The following ACOX2 variants were observed in gnomAD, a reference collection of about 807,000 sequenced individuals.
The protein encoded by ACOX2 is acyl-CoA oxidase 2.
ACOX2 carries 59 observed loss-of-function variants against 77.5 expected under a neutral mutation model. The observed-to-expected ratio is 0.76, with a 90% confidence interval of 0.62 to 0.95. The LOEUF (loss-of-function observed/expected upper bound fraction) is 0.95. Ranked by LOEUF, ACOX2 falls within the 40% of genes least tolerant of loss-of-function variation. ACOX2 has a pLI of 0.00. For synonymous variants in ACOX2, 317 were observed against 340.1 expected (o/e 0.93, Z 0.75); for missense variants, 837 against 880.4 (o/e 0.95, Z 0.62).
intron 13 of ACOX2, among the ~76,000 whole-genome samples, chr3:58,516,193 T>A (rs1289803364): frequency 1.3e-5 from 2 of 152,118 alleles, no homozygotes; most frequent in African/African-American, 4.8e-5. Context: ...AATTACAGAG[T>A]TAAAAAAAAT....
intron 13 of ACOX2, chr3:58,510,877 G>A: frequency 2.3e-6 from 1 of 427,920 alleles, no homozygotes; most frequent in Non-Finnish European, 4.7e-6. Flanking sequence ...GGTGTAATAA[G>A]GGCTCAAGTG....
At chr3:58,510,632 CAAAAAAAAAAAAAAAA>C (rs869206771) in intron 13 of ACOX2, among the ~76,000 whole-genome samples, 6 of 6,840 alleles carry the variant, frequency 8.8e-4, no homozygotes, top group African/African-American at 2.7e-3. Flanking sequence ...GACTCCCGCT[CAAAAAAAAAAAAAAAA>C]AAAAAAAAAA....
Position 58,534,555 on chromosome 3 carries a change from C to T in ACOX2, c.161-33G>A. ...GGACAGAGAACAGAGGGCTTAGGGA[C>T]CTGGGTGAGGTTTCTGGCACCTTGA... On this transcript the variant is annotated intron_variant, in intron 2 of 14. Coordinates refer to ENST00000302819, the MANE Select transcript of ACOX2 (RefSeq NM_003500.4). This position sits in a 1 kb window ranked among gnomAD's most constrained non-coding sequence, Gnocchi z 4.8. The T allele has an allele frequency of 6.2e-7, 1 of 1,614,088 alleles. No individual in the cohort carries two copies. Among genetic ancestry groups the T allele is most frequent in the Non-Finnish European group, 8.5e-7 (1 of 1,180,020 alleles).
chr3:58,510,012 A>T (rs4681861), intron 13 of ACOX2, among the ~76,000 whole-genome samples: 47,134 of 151,932 alleles, frequency 0.31, 7,421 homozygotes, highest in South Asian at 0.34. Flanking sequence ...TATCTGTTGA[A>T]TCTTCATTCA....
At chr3:58,518,880 T>G (rs149630658) in intron 12 of ACOX2, among the ~76,000 whole-genome samples, 1 of 151,716 alleles carries the variant, frequency 6.6e-6, no homozygotes, top group African/African-American at 2.4e-5. Flanking sequence ...GCTCAAGTGA[T>G]CCTCCTTCCT....
At position 58,523,712 on chromosome 3, in the gene ACOX2, G is replaced by A. The variant is rs1156997325; in HGVS notation, c.1526+714C>T. Among the ~76,000 whole-genome samples, 38 of 152,022 alleles carry A rather than the reference G, an allele frequency of 2.5e-4. No individual in the cohort carries two copies. Among genetic ancestry groups the A allele is most frequent in the Admixed American group, 2.5e-3 (38 of 15,268 alleles). On this transcript the variant is annotated intron_variant, in intron 11 of 14. Transcript: ENST00000302819. The surrounding 1 kb of genome is among the most constrained non-coding windows in gnomAD (Gnocchi z 5.3). ...AATCCGCCCACCTCGACCTCCCAAA[G>A]TGCTGGAATTACTGGTGTCAGCCAC...
At position 58,523,111 on chromosome 3, in the gene ACOX2, C is replaced by T. The variant is rs1448944401; in HGVS notation, c.1527-510G>A. Reference sequence around the variant, plus strand: ...AAAGAGAAAACCAACCTTTGTCCTGCAAACCACTAAATTAGTCATTAAATA... The same window carrying T: ...AAAGAGAAAACCAACCTTTGTCCTGTAAACCACTAAATTAGTCATTAAATA... On this transcript the variant is annotated intron_variant, in intron 11 of 14. Coordinates refer to ENST00000302819, the MANE Select transcript of ACOX2 (RefSeq NM_003500.4). This position sits in a 1 kb window ranked among gnomAD's most constrained non-coding sequence, Gnocchi z 5.3. 6.5e-6 allele frequency: 1 copy of T among 155,016 alleles called. No homozygotes were observed. Among genetic ancestry groups the T allele is most frequent in the Non-Finnish European group, 1.4e-5 (1 of 69,658 alleles). 9.6% of individuals were successfully genotyped at this position (155,016 alleles called of 1,614,324 possible).
chr3:58,515,984 T>C lies in ACOX2; in HGVS notation c.1850+1222A>G, dbSNP rs557860227. Among the ~76,000 whole-genome samples the C allele has an allele frequency of 3.4e-5, 3 of 88,388 alleles. No homozygotes were observed. The highest frequency in any genetic ancestry group is 6.5e-5 in the Non-Finnish European group (3 of 46,166). 58.0% of individuals were successfully genotyped at this position (88,388 alleles called of 152,430 possible). Reference sequence around the variant, plus strand: ...GCCATGTTGCCCAGGCTTTTTTTTTTCTTTATTGTTTTTATTTCTATTTTT... The same window carrying C: ...GCCATGTTGCCCAGGCTTTTTTTTTCCTTTATTGTTTTTATTTCTATTTTT... On this transcript the variant is annotated intron_variant, in intron 13 of 14. Coordinates refer to ENST00000302819, the MANE Select transcript of ACOX2 (RefSeq NM_003500.4). This position sits in a 1 kb window ranked among gnomAD's most constrained non-coding sequence, Gnocchi z 4.0.
chr3:58,517,285 A>G lies in ACOX2; in HGVS notation c.1771T>C (p.Phe591Leu). Residue 591 changes from phenylalanine (F) to leucine (L), a missense_variant, in exon 13 of 15, where the codon TTT becomes CTT. Transcript: ENST00000302819. ...IHGILTNSGD[F>L]LHDAFLSGAQ... ...CCAGACAGGAAGGCGTCATGGAGAA[A>G]GTCACCCGAGTTAGTCAAGATTCCA... 1 of 1,614,184 alleles carries G rather than the reference A, an allele frequency of 6.2e-7. No homozygotes were observed. Among genetic ancestry groups the G allele is most frequent in the Non-Finnish European group, 8.5e-7 (1 of 1,180,038 alleles).
At chr3:58,508,437 G>A (rs895995764) in intron 14 of ACOX2, among the ~76,000 whole-genome samples, 4 of 152,092 alleles carry the variant, frequency 2.6e-5, no homozygotes, top group Admixed American at 2.0e-4. Flanking sequence ...CAGGCAATCA[G>A]GTCTAAGAGA....
chr3:58,505,271 C>T lies in ACOX2; in HGVS notation c.1999G>A (p.Glu667Lys), dbSNP rs1225640784. Residue 667 changes from glutamate to lysine, a missense_variant, in exon 15 of 15, where the codon GAG (glutamate) becomes AAG (lysine). Glu to Lys is a moderately conservative substitution (Grantham distance 56, BLOSUM62 1). Coordinates refer to ENST00000302819, the MANE Select transcript of ACOX2 (RefSeq NM_003500.4). This position sits in a 1 kb window ranked among gnomAD's most constrained non-coding sequence, Gnocchi z 4.4. The part of the protein sequence containing the change: ...PTNTQENPAY[E>K]EYIRPLLQSW... ...TGTAAAAGTGGTCTTATATATTCCT[C>T]ATAGGCAGGGTTCTCCTGTTTGTAG... The T allele has an allele frequency of 2.5e-6, 4 of 1,612,610 alleles. No individual in the cohort carries two copies. Among genetic ancestry groups the T allele is most frequent in the African/African-American group, 2.7e-5 (2 of 74,892 alleles).
rs1449601928 is a variant in ACOX2, at chr3:58,525,847, A to G, written c.1346+619T>C. On this transcript the variant is annotated intron_variant, in intron 10 of 14. Transcript: ENST00000302819. This position sits in a 1 kb window ranked among gnomAD's most constrained non-coding sequence, Gnocchi z 5.0. ...AGAGCAGCCTGGCCAACATGGTGAA[A>G]CCCCATCTCTACTAAAAATACAAAA... 6.6e-6 allele frequency among the ~76,000 whole-genome samples: 1 copy of G among 151,906 alleles called. No individual in the cohort carries two copies. The highest frequency in any genetic ancestry group is 6.6e-5 in the Admixed American group (1 of 15,236).
chr3:58,522,541 G>T lies in ACOX2; in HGVS notation c.1587C>A (p.His529Gln). The T allele has an allele frequency of 6.2e-7, 1 of 1,614,158 alleles. No individual in the cohort carries two copies. The highest frequency in any genetic ancestry group is 8.5e-7 in the Non-Finnish European group (1 of 1,180,014). The change falls in exon 12 of 15, where the codon CAC becomes CAA. Residue 529 changes from histidine to glutamine, a missense_variant. Physicochemically the swap from His to Gln is conservative, Grantham distance 24. Coordinates refer to ENST00000302819, the MANE Select transcript of ACOX2 (RefSeq NM_003500.4). This position sits in a 1 kb window ranked among gnomAD's most constrained non-coding sequence, Gnocchi z 4.3. ...TGACAGTGGTCTGGTTCCAAGCCTCGTGCTGGTCAGCTCCGGATTGCGTCA... is the reference window on the plus strand; with the variant it reads ...TGACAGTGGTCTGGTTCCAAGCCTCTTGCTGGTCAGCTCCGGATTGCGTCA... ...QTLTQSGADQ[H>Q]EAWNQTTVIH...
chr3:58,506,227 C>T (rs73087775), intron 14 of ACOX2, among the ~76,000 whole-genome samples: 33,365 of 152,160 alleles, frequency 0.22, 4,017 homozygotes, highest in Middle Eastern at 0.32. Flanking sequence ...CTAACTCCTA[C>T]TTGGACACAT....
rs1400567293 is a variant in ACOX2, at chr3:58,524,128, C to T, written c.1526+298G>A. Among the ~76,000 whole-genome samples the T allele has an allele frequency of 3.3e-5, 5 of 152,304 alleles. No homozygotes were observed. Among genetic ancestry groups the T allele is most frequent in the Non-Finnish European group, 7.3e-5 (5 of 68,032 alleles). ...TGGAGTATTTACATATGGGTACATT[C>T]GTTGTATTGCAAATCACCATAGGAC... On this transcript the variant is annotated intron_variant, in intron 11 of 14. Transcript: ENST00000302819. The surrounding 1 kb of genome is among the most constrained non-coding windows in gnomAD (Gnocchi z 5.5).
At chr3:58,509,371 C>G (rs2063260299) in intron 13 of ACOX2, among the ~76,000 whole-genome samples, 1 of 151,294 alleles carries the variant, frequency 6.6e-6, no homozygotes, top group Non-Finnish European at 1.5e-5. Context: ...ACTAAAAATA[C>G]AAAAAATTAG....
chr3:58,512,105 C>T lies in ACOX2; in HGVS notation c.1851-3080G>A, dbSNP rs541451145. Among the ~76,000 whole-genome samples, 2 of 152,328 alleles carry T rather than the reference C, an allele frequency of 1.3e-5. No homozygotes were observed. The highest frequency in any genetic ancestry group is 4.8e-5 in the African/African-American group (2 of 41,584). Reference sequence around the variant, plus strand: ...GTACTTGGATTTCTGATAGGCTCTTCAAAAGTAATGTATCTGAACCCAAAC... The same window carrying T: ...GTACTTGGATTTCTGATAGGCTCTTTAAAAGTAATGTATCTGAACCCAAAC... On this transcript the variant is annotated intron_variant, in intron 13 of 14. Transcript: ENST00000302819. The surrounding 1 kb of genome is among the most constrained non-coding windows in gnomAD (Gnocchi z 4.8).
At chr3:58,536,639 G>A (rs529035179) in intron 1 of ACOX2, among the ~76,000 whole-genome samples, 38 of 152,224 alleles carry the variant, frequency 2.5e-4, no homozygotes, top group African/African-American at 8.7e-4. Flanking sequence ...CCTCCTTGCT[G>A]TTCTGAATGC....
rs2063390460 is a variant in ACOX2, at chr3:58,525,891, T to C, written c.1346+575A>G. Among the ~76,000 whole-genome samples, 1 of 151,898 alleles carries C rather than the reference T, an allele frequency of 6.6e-6. No homozygotes were observed. Among genetic ancestry groups the C allele is most frequent in the Admixed American group, 6.6e-5 (1 of 15,242 alleles). ...TACAAAAATTAGATGGGCATGGTGG[T>C]GTGTAATCCCAGCTACTGCGGAGGC... On this transcript the variant is annotated intron_variant, in intron 10 of 14. Coordinates refer to ENST00000302819, the MANE Select transcript of ACOX2 (RefSeq NM_003500.4). This position sits in a 1 kb window ranked among gnomAD's most constrained non-coding sequence, Gnocchi z 5.0.
Sources: gnomAD v4.1 joint callset for allele counts (sites outside exome capture counted in the v4.1 genomes callset) on GRCh38, gnomAD v4.1.1 for gene constraint, Gnocchi (gnomAD v3.1) non-coding constraint, MANE v1.5 for transcripts, NCBI Gene and HGNC (gene_info 2026-07-23, HGNC 2026-07-21) for gene names.